Variants in RAPGEF3 observed in about 807,000 individuals in gnomAD.
RAPGEF3 encodes 9330170P05Rik.
A neutral mutation model predicts 129.8 loss-of-function variants in RAPGEF3; 103 were observed. That is an observed-to-expected ratio of 0.79 (90% CI 0.68 to 0.93). The LOEUF (loss-of-function observed/expected upper bound fraction) is 0.93, where lower values mean the gene tolerates loss of function less well. Ranked by LOEUF, RAPGEF3 falls within the 40% of genes least tolerant of loss-of-function variation. The pLI is 0.00. For missense variants in RAPGEF3, 1,117 were observed against 1,207.4 expected (o/e 0.93, Z 1.11); for synonymous variants, 436 against 482.6 (o/e 0.90, Z 1.26).
chr12:47,756,407 C>G (rs927138912), intron 2 of RAPGEF3: 1 of 152,222 alleles, frequency 6.6e-6, no homozygotes, highest in Admixed American at 6.5e-5. Flanking sequence ...GCAATAGCTA[C>G]AGCCAGTGAC....
Position 47,754,148 on chromosome 12 carries a change from C to T in RAPGEF3, c.220-2179G>A, listed in dbSNP as rs1026105924. ...TCTATAACCTGCCCTAACTGTTGGT[C>T]AATAAGGGCACCAGGATTCATACCT... On this transcript the variant is annotated intron_variant, in intron 2 of 27. Transcript: ENST00000449771. 3 of 152,238 alleles carry T rather than the reference C, an allele frequency of 2.0e-5. No homozygotes were observed. The East Asian group carries it at 5.8e-4, about 29-fold the overall frequency. 9.4% of individuals were successfully genotyped at this position (152,238 alleles called of 1,614,324 possible). A position where few individuals can be genotyped will look rare whatever the true frequency, so the allele number is the denominator to read the frequency against.
Position 47,751,538 on chromosome 12 carries a change from G to T in RAPGEF3, c.381-18C>A. On this transcript the variant is annotated intron_variant, in intron 4 of 27. Coordinates refer to ENST00000449771, the MANE Select transcript of RAPGEF3 (RefSeq NM_001098531.4). The stretch of plus-strand genomic sequence containing the variant: ...AGCACTGCCTATGGAAGGTAGAAGG[G>T]GACAGGCCAGTGGAAGGAGGGTGGC... 3 of 1,614,096 alleles carry T rather than the reference G, an allele frequency of 1.9e-6. No homozygotes were observed. Among genetic ancestry groups the T allele is most frequent in the Admixed American group, 1.7e-5 (1 of 60,020 alleles).
intron 5 of RAPGEF3, 76 bp from the exon 6 acceptor site, chr12:47,751,292 C>A (rs926329457): frequency 1.5e-5 from 24 of 1,560,162 alleles, no homozygotes; most frequent in Non-Finnish European, 2.1e-5. Context: ...ACTGCGATGC[C>A]ACCCCTCAGC....
Position 47,758,724 on chromosome 12 carries a change from G to A in RAPGEF3, c.-168C>T. ...GGACTGGCTGCCAGGGCAGCAGGAT[G>A]CAGGGCTCGGTGGAGAGGCTCCTCT... On this transcript the variant is annotated 5_prime_UTR_variant, in exon 1 of 28. Coordinates refer to ENST00000449771, the MANE Select transcript of RAPGEF3 (RefSeq NM_001098531.4). 3.7e-6 allele frequency: 5 copies of A among 1,366,900 alleles called. No homozygotes were observed. Among genetic ancestry groups the A allele is most frequent in the Non-Finnish European group, 4.7e-6 (5 of 1,055,950 alleles). 84.7% of individuals were successfully genotyped at this position (1,366,900 alleles called of 1,614,324 possible).
chr12:47,740,707 C>T lies in RAPGEF3; in HGVS notation c.2166G>A (p.Leu722=), dbSNP rs139456299. The T allele has an allele frequency of 6.2e-7, 1 of 1,613,976 alleles. No homozygotes were observed. The highest frequency in any genetic ancestry group is 8.5e-7 in the Non-Finnish European group (1 of 1,179,992). Residue 722 remains leucine (L), a synonymous_variant, in exon 21 of 28, where the codon CTG becomes CTA. Coordinates refer to ENST00000449771, the MANE Select transcript of RAPGEF3 (RefSeq NM_001098531.4). ...NELQYWVATE[L]CLCPVPGPRA... Reference sequence around the variant, plus strand: ...GGGGGCCGGGCACGGGGCAGAGACACAGCTCGGTGGCCACCCAGTACTGCA... The same window carrying T: ...GGGGGCCGGGCACGGGGCAGAGACATAGCTCGGTGGCCACCCAGTACTGCA...
intron 16 of RAPGEF3, chr12:47,744,335 G>A (rs181850817): frequency 8.2e-6 from 4 of 486,408 alleles, no homozygotes; most frequent in African/African-American, 5.9e-5. Flanking sequence ...TAGGTCCAGA[G>A]CAGTTCTAAT....
At chr12:47,757,731 C>G in intron 2 of RAPGEF3, 135 bp downstream of exon 2, 2 of 816,460 alleles carry the variant, frequency 2.4e-6, no homozygotes, top group East Asian at 2.7e-5. Context: ...GCTTCCTGAC[C>G]CAGTGTCCAC....
In RAPGEF3 at chr12:47,748,439, GTCTCTTGCCC is replaced by G; in HGVS notation, c.1243+5_1243+14del. 6.2e-7 allele frequency: 1 copy of G among 1,606,976 alleles called. No homozygotes were observed. On this transcript the variant is annotated splice_donor_5th_base_variant and intron_variant, in intron 12 of 27. Transcript: ENST00000449771. Reference sequence around the variant, plus strand: ...CAATGAGTCAGAAAGCAGGCAGGGTGTCTCTTGCCCTTACCTGTTGGGTCATGAGCACTGG... The same window carrying G: ...CAATGAGTCAGAAAGCAGGCAGGGTGTTACCTGTTGGGTCATGAGCACTGG...
At position 47,737,547 on chromosome 12, in the gene RAPGEF3, G is replaced by C; in HGVS notation, c.*20C>G. 6.2e-7 allele frequency: 1 copy of C among 1,604,480 alleles called. No individual in the cohort carries two copies. Among genetic ancestry groups the C allele is most frequent in the Non-Finnish European group, 8.5e-7 (1 of 1,174,278 alleles). On this transcript the variant is annotated 3_prime_UTR_variant, in exon 28 of 28. Transcript: ENST00000449771. ...TTCCCGGCTGCAAGTGCCTGCTCCA[G>C]CTCCAGTCCCAGCCCCTCCTCATGG...
intron 2 of RAPGEF3, among the ~76,000 whole-genome samples, chr12:47,753,046 C>T (rs949323323): frequency 3.3e-5 from 5 of 152,204 alleles, no homozygotes; most frequent in African/African-American, 4.8e-5. Context: ...CTACCATCTA[C>T]GAGCCCTCTC....
intron 2 of RAPGEF3, 47 bp from the exon 3 acceptor site, chr12:47,752,016 C>A: frequency 6.3e-7 from 1 of 1,597,084 alleles, no homozygotes. Flanking sequence ...GGTCTTCAAG[C>A]CCAGCTCTTG....
chr12:47,737,690 T>A lies in RAPGEF3; in HGVS notation c.2654-5A>T. 1 of 1,612,040 alleles carries A rather than the reference T, an allele frequency of 6.2e-7. No individual in the cohort carries two copies. Among genetic ancestry groups the A allele is most frequent in the Non-Finnish European group, 8.5e-7 (1 of 1,178,910 alleles). On this transcript the variant is annotated splice_polypyrimidine_tract_variant and splice_region_variant and intron_variant, in intron 27 of 27. Transcript: ENST00000449771. Reference sequence around the variant, plus strand: ...TGCTCAGGGACTGCTCCGAGCCTGGTGGAGGAGAGTAGTCAGGGAGGCACT... The same window carrying A: ...TGCTCAGGGACTGCTCCGAGCCTGGAGGAGGAGAGTAGTCAGGGAGGCACT...
Position 47,748,465 on chromosome 12 carries a change from T to G in RAPGEF3, c.1232A>C (p.His411Pro). ...LEAMGPDSSAHDPTETFLSDF... is the reference protein window; with the variant it reads ...LEAMGPDSSAPDPTETFLSDF... ...TCTCTTGCCCTTACCTGTTGGGTCA[T>G]GAGCACTGGAATCTGGTCCCATGGC... The change falls in exon 12 of 28, where the codon CAT becomes CCT. Residue 411 changes from histidine (H) to proline (P), a missense_variant. By Grantham distance (77) the His-to-Pro change is moderately conservative. Transcript: ENST00000449771. 6.2e-7 allele frequency: 1 copy of G among 1,613,542 alleles called. No individual in the cohort carries two copies. Among genetic ancestry groups the G allele is most frequent in the East Asian group, 2.2e-5 (1 of 44,890 alleles).
In RAPGEF3 at chr12:47,743,525, C is replaced by T. The variant is rs368694981; in HGVS notation, c.1825+5G>A. On this transcript the variant is annotated splice_donor_5th_base_variant and intron_variant, in intron 18 of 27. Transcript: ENST00000449771. ...CCTTGGGGTCTATCCAGGGGCACAA[C>T]TCACCACCTGCAGAATTGACCTTCA... is the stretch of plus-strand genomic sequence containing the variant. 1.2e-6 allele frequency: 2 copies of T among 1,612,524 alleles called. No homozygotes were observed. Among genetic ancestry groups the T allele is most frequent in the Non-Finnish European group, 8.5e-7 (1 of 1,178,848 alleles).
intron 16 of RAPGEF3, chr12:47,746,598 T>C (rs11168223): frequency 0.14 from 100,428 of 699,470 alleles, 10,109 homozygotes; most frequent in Admixed American, 0.4. Flanking sequence ...GGGCATGAAT[T>C]ACCTCCCAAA....
intron 5 of RAPGEF3, 46 bp downstream of exon 5, chr12:47,751,353 A>C (rs1415681080): frequency 6.2e-7 from 1 of 1,610,698 alleles, no homozygotes; most frequent in Non-Finnish European, 8.5e-7. Context: ...TGTCCCCCTC[A>C]CTGCCCAGCC....
rs1447060031 is a variant in RAPGEF3, at chr12:47,749,305, G to A, written c.1041+85C>T. 6.6e-7 allele frequency: 1 copy of A among 1,514,236 alleles called. No individual in the cohort carries two copies. The highest frequency in any genetic ancestry group is 2.3e-5 in the East Asian group (1 of 43,300). The allele number at this position is 1,514,236 out of a possible 1,614,324, so 93.8% of individuals were successfully genotyped here. A position where few individuals can be genotyped will look rare whatever the true frequency, so the allele number is the denominator to read the frequency against. On this transcript the variant is annotated intron_variant, in intron 10 of 27. Transcript: ENST00000449771. This position sits in a 1 kb window ranked among gnomAD's most constrained non-coding sequence, Gnocchi z 4.5. The stretch of plus-strand genomic sequence containing the variant: ...CTCTTACCTGCCCTGCTTCTTACAG[G>A]CCCTCTGCTCTGGTCCCTACTCCTC...
Position 47,741,587 on chromosome 12 carries a change from T to C in RAPGEF3, c.1841A>G (p.Gln614Arg), listed in dbSNP as rs767107554. ...TGTGGCCACACCACGGGCATCTGGC[T>C]GCAGGCCAATGGCATCTGCAAAGAC... ...VNSAGDAIGLQPDARGVATSL... is the reference protein window; with the variant it reads ...VNSAGDAIGLRPDARGVATSL... The change falls in exon 19 of 28, where the codon CAG becomes CGG. Residue 614 changes from glutamine (Q) to arginine (R), a missense_variant. Gln to Arg is a conservative substitution (Grantham distance 43). Around this residue, in one of 3 missense-constraint regions of RAPGEF3, gnomAD observed 643 missense variants for 673.4 expected, o/e 0.95. Coordinates refer to ENST00000449771, the MANE Select transcript of RAPGEF3 (RefSeq NM_001098531.4). 1 of 1,613,662 alleles carries C rather than the reference T, an allele frequency of 6.2e-7. No homozygotes were observed. Among genetic ancestry groups the C allele is most frequent in the Admixed American group, 1.7e-5 (1 of 60,024 alleles).
Position 47,749,380 on chromosome 12 carries a change from G to C in RAPGEF3, c.1041+10C>G. The C allele has an allele frequency of 6.2e-7, 1 of 1,611,250 alleles. No individual in the cohort carries two copies. The highest frequency in any genetic ancestry group is 8.5e-7 in the Non-Finnish European group (1 of 1,179,936). On this transcript the variant is annotated intron_variant, in intron 10 of 27. Transcript: ENST00000449771. This position sits in a 1 kb window ranked among gnomAD's most constrained non-coding sequence, Gnocchi z 4.5. Reference sequence around the variant, plus strand: ...ATGGCCCCTGCCCTCCCCAACCCCAGCAGCAGCACCTTGATGATACGGTTG... The same window carrying C: ...ATGGCCCCTGCCCTCCCCAACCCCACCAGCAGCACCTTGATGATACGGTTG...
Sources: gnomAD v4.1 joint callset for allele counts (sites outside exome capture counted in the v4.1 genomes callset) on GRCh38, gnomAD v4.1.1 for gene constraint, gnomAD v4.1.1 regional missense constraint, Gnocchi (gnomAD v3.1) non-coding constraint, MANE v1.5 for transcripts, NCBI Gene and HGNC (gene_info 2026-07-23, HGNC 2026-07-21) for gene names.